Variants in ABCA8 observed in about 807,000 individuals in gnomAD.
ABCA8 encodes the protein ABC-type organic anion transporter ABCA8.
Under a neutral mutation model 192.3 loss-of-function variants are expected in ABCA8, and 177 were observed. The observed-to-expected ratio is 0.92, with a 90% confidence interval of 0.81 to 1.04. The LOEUF is 1.04. Ranked by LOEUF, ABCA8 falls within the 50% of genes least tolerant of loss-of-function variation. The pLI is 0.00. For synonymous variants in ABCA8, 642 were observed against 690.2 expected (o/e 0.93, Z 1.09); for missense variants, 1,915 against 1,904.8 (o/e 1.01, Z -0.10).
intron 17 of ABCA8, among the ~76,000 whole-genome samples, chr17:68,909,015 A>AT (rs1013521232): frequency 2.6e-5 from 4 of 152,266 alleles, no homozygotes; most frequent in South Asian, 4.1e-4. Flanking sequence ...AATATATGCT[A>AT]TTTTTTTAGA....
intron 38 of ABCA8, among the ~76,000 whole-genome samples, chr17:68,869,071 G>T (rs1489499206): frequency 6.6e-6 from 1 of 152,122 alleles, no homozygotes; most frequent in Non-Finnish European, 1.5e-5. Flanking sequence ...AATTCCTCTA[G>T]AACTAGAAGA....
intron 15 of ABCA8, 117 bp from the exon 16 acceptor site, chr17:68,918,302 C>T (rs1224838620): frequency 3.4e-6 from 5 of 1,478,150 alleles, no homozygotes; most frequent in Non-Finnish European, 4.6e-6. Context: ...GATTTAGATA[C>T]TCTATTTAAT....
At position 68,885,259 on chromosome 17, in the gene ABCA8, T is replaced by C; in HGVS notation, c.3486A>G (p.Pro1162=). ...FAFSIFESDI[P]FIFTFLIPPA... ...GTGGTATTAAAAAAGTGAAGATAAA[T>C]GGAATATCACTTTCGAAGATACTGA... The change falls in exon 27 of 40, where the codon CCA becomes CCG. Residue 1162 remains proline (P), a synonymous_variant. Transcript: ENST00000586539. The C allele has an allele frequency of 6.2e-7, 1 of 1,613,366 alleles. No individual in the cohort carries two copies. Among genetic ancestry groups the C allele is most frequent in the Non-Finnish European group, 8.5e-7 (1 of 1,179,706 alleles).
intron 19 of ABCA8, among the ~76,000 whole-genome samples, chr17:68,904,531 C>A (rs1457446297): frequency 2.0e-5 from 3 of 151,826 alleles, no homozygotes; most frequent in Non-Finnish European, 4.4e-5. Context: ...TCTTTAGGGA[C>A]ATGGCAGAAA....
chr17:68,886,905 G>A, intron 26 of ABCA8, 112 bp downstream of exon 26: 1 of 507,328 alleles, frequency 2.0e-6, no homozygotes. Context: ...TTGTAATCTT[G>A]TGTTTATTAT....
chr17:68,935,910 C>T (rs1206900988), intron 5 of ABCA8, among the ~76,000 whole-genome samples: 1 of 152,008 alleles, frequency 6.6e-6, no homozygotes, highest in Non-Finnish European at 1.5e-5. Context: ...ATGGTTATCT[C>T]CTGGTTTTAA....
At chr17:68,927,025 G>C (rs1315241925) in intron 10 of ABCA8, among the ~76,000 whole-genome samples, 4 of 152,192 alleles carry the variant, frequency 2.6e-5, no homozygotes, top group Non-Finnish European at 5.9e-5. Context: ...GGAGGCCGAG[G>C]CGGGTGGATT....
In ABCA8 at chr17:68,933,197, G is replaced by C; in HGVS notation, c.541C>G (p.Gln181Glu). The C allele has an allele frequency of 6.2e-7, 1 of 1,612,892 alleles. No individual in the cohort carries two copies. The highest frequency in any genetic ancestry group is 8.5e-7 in the Non-Finnish European group (1 of 1,179,274). The change falls in exon 6 of 40, where the codon CAA becomes GAA. Residue 181 changes from glutamine (Q) to glutamate (E), a missense_variant. Gln to Glu is a conservative substitution (Grantham distance 29, BLOSUM62 2). Coordinates refer to ENST00000586539, the MANE Select transcript of ABCA8 (RefSeq NM_001288985.2). ...VFWKEGFVAL[Q>E]AAINAAIIEI... ...ATAATAGCAGCATTAATGGCAGCTT[G>C]AAGAGCCACAAAACCTTCCTTCCAA... is the stretch of plus-strand genomic sequence containing the variant.
chr17:68,929,644 G>T lies in ABCA8; in HGVS notation c.856C>A (p.Leu286Ile). 1 of 1,613,652 alleles carries T rather than the reference G, an allele frequency of 6.2e-7. No individual in the cohort carries two copies. Among genetic ancestry groups the T allele is most frequent in the Non-Finnish European group, 8.5e-7 (1 of 1,179,724 alleles). Reference protein sequence around the residue: ...FIFIMALFLALVIRSTQFIIL... With the variant: ...FIFIMALFLAIVIRSTQFIIL... ...ATAAACTGGGTAGATCTTATAACAAGTGCCAAGAAAAGGGCCATAATGAAG... is the reference window on the plus strand; with the variant it reads ...ATAAACTGGGTAGATCTTATAACAATTGCCAAGAAAAGGGCCATAATGAAG... Residue 286 changes from leucine (L) to isoleucine (I), a missense_variant, in exon 8 of 40, where the codon CTT becomes ATT. Transcript: ENST00000586539.
intron 10 of ABCA8, 85 bp downstream of exon 10, chr17:68,927,831 T>C: frequency 9.3e-7 from 1 of 1,073,356 alleles, no homozygotes; most frequent in African/African-American, 1.7e-5. Context: ...GTTCTTAAAA[T>C]ATAAATAGTA....
intron 20 of ABCA8, among the ~76,000 whole-genome samples, chr17:68,903,095 T>TTGGA (rs2066956762): frequency 6.6e-6 from 1 of 152,224 alleles, no homozygotes; most frequent in Non-Finnish European, 1.5e-5. Context: ...TTTTTGGCCA[T>TTGGA]TGGATATCCC....
At chr17:68,921,550 AAC>A in intron 12 of ABCA8, 58 bp from the exon 13 acceptor site, 1 of 1,108,154 alleles carries the variant, frequency 9.0e-7, no homozygotes, top group Non-Finnish European at 1.3e-6. Flanking sequence ...AAACAATTAA[AAC>A]CACAAAAAAT....
intron 19 of ABCA8, among the ~76,000 whole-genome samples, chr17:68,904,843 G>A (rs183913704): frequency 6.6e-6 from 1 of 152,266 alleles, no homozygotes; most frequent in East Asian, 1.9e-4. Context: ...TAATACATGA[G>A]TCCACTAGGG....
At chr17:68,919,859 C>T (rs998180636) in intron 13 of ABCA8, 8 of 158,054 alleles carry the variant, frequency 5.1e-5, no homozygotes, top group South Asian at 1.9e-4. Context: ...GGAAAAGACA[C>T]GCAGCTGTCC....
intron 2 of ABCA8, among the ~76,000 whole-genome samples, chr17:68,946,945 AAG>A (rs60347168): frequency 0.11 from 16,056 of 149,872 alleles, 2,692 homozygotes; most frequent in African/African-American, 0.36. Context: ...CATCAAAAGA[AAG>A]AGAGAGAGAG....
At chr17:68,907,708 ATATTT>A in intron 18 of ABCA8, 27 bp downstream of exon 18, 2 of 1,526,900 alleles carry the variant, frequency 1.3e-6, no homozygotes, top group Non-Finnish European at 1.8e-6. Flanking sequence ...TATTATTCAC[ATATTT>A]TATTTCACAG....
chr17:68,929,971 T>TG (rs1430968898), intron 7 of ABCA8, among the ~76,000 whole-genome samples: 7 of 38,134 alleles, frequency 1.8e-4, no homozygotes, highest in Non-Finnish European at 3.0e-4. Context: ...CACATTGTTC[T>TG]GGGGGGTGGG....
intron 2 of ABCA8, among the ~76,000 whole-genome samples, chr17:68,948,347 T>G (rs2068473552): frequency 6.6e-6 from 1 of 152,230 alleles, no homozygotes; most frequent in Admixed American, 6.5e-5. Flanking sequence ...GTTGAACTAA[T>G]TTACACTCCC....
intron 18 of ABCA8, 35 bp downstream of exon 18, chr17:68,907,705 C>A: frequency 6.6e-7 from 1 of 1,513,252 alleles, no homozygotes; most frequent in South Asian, 1.4e-5. Flanking sequence ...GACTATTATT[C>A]ACATATTTTA....
Sources: gnomAD v4.1 joint callset for allele counts (sites outside exome capture counted in the v4.1 genomes callset) on GRCh38, gnomAD v4.1.1 for gene constraint, MANE v1.5 for transcripts, NCBI Gene and HGNC (gene_info 2026-07-23, HGNC 2026-07-21) for gene names.